PCDH17: variants seen among roughly 807,000 people sequenced by gnomAD.
The protein encoded by PCDH17 is protocadherin-17.
A neutral mutation model predicts 67.7 loss-of-function variants in PCDH17; 21 were observed. The ratio of observed to expected loss-of-function variants is 0.31; its 90% CI spans 0.22 to 0.45. The LOEUF (loss-of-function observed/expected upper bound fraction) is 0.45, where lower values mean the gene tolerates loss of function less well. PCDH17 is among the 20% of genes least tolerant of loss of function. The pLI is 1.00. For missense variants in PCDH17, 1,471 were observed against 1,564.8 expected (o/e 0.94, Z 1.01); for synonymous variants, 701 against 656.7 (o/e 1.07, Z -1.03).
intron 3 of PCDH17, among the ~76,000 whole-genome samples, chr13:57,673,762 T>C (rs143305419): frequency 1.4e-3 from 216 of 152,090 alleles, no homozygotes; most frequent in African/African-American, 5.1e-3. Flanking sequence ...ACTGCAGTAT[T>C]TGCCAGGACT....
intron 3 of PCDH17, 77 bp from the exon 4 acceptor site, chr13:57,724,524 AAGCCCATTGAG>A: frequency 2.9e-6 from 3 of 1,024,416 alleles, no homozygotes; most frequent in Non-Finnish European, 4.3e-6. Context: ...GAGGTCAAGC[AAGCCCATTGAG>A]AGCTGATCAC....
chr13:57,647,102 G>A (rs1954974576), intron 1 of PCDH17, among the ~76,000 whole-genome samples: 1 of 151,648 alleles, frequency 6.6e-6, no homozygotes, highest in Admixed American at 6.6e-5. Flanking sequence ...AATACAGCTT[G>A]GACATCTGCT....
At chr13:57,701,581 G>A (rs1184833791) in intron 3 of PCDH17, among the ~76,000 whole-genome samples, 1 of 151,910 alleles carries the variant, frequency 6.6e-6, no homozygotes, top group East Asian at 1.9e-4. Context: ...TTTTAATAGA[G>A]AAGTAATGCT....
chr13:57,652,974 T>C (rs1454776288), intron 1 of PCDH17, among the ~76,000 whole-genome samples: 1 of 152,140 alleles, frequency 6.6e-6, no homozygotes, highest in Admixed American at 6.6e-5. Context: ...AACATTAAAA[T>C]CTATGCTGTG....
intron 3 of PCDH17, among the ~76,000 whole-genome samples, chr13:57,683,324 A>C (rs1233490527): frequency 2.0e-5 from 3 of 151,896 alleles, no homozygotes; most frequent in African/African-American, 7.2e-5. Context: ...TTGGGCTGTT[A>C]AGTAGTATTG....
At chr13:57,658,764 GTTTGTTTTGTTTTGTTTTGT>G (rs61473114) in intron 1 of PCDH17, among the ~76,000 whole-genome samples, 1 of 150,006 alleles carries the variant, frequency 6.7e-6, no homozygotes, top group African/African-American at 2.5e-5. Flanking sequence ...TTTTTCGTTT[GTTTGTTTTGTTTTGTTTTGT>G]TTTGTTTTGT....
intron 1 of PCDH17, among the ~76,000 whole-genome samples, chr13:57,659,104 TGTG>T (rs1955149848): frequency 5.4e-5 from 1 of 18,554 alleles, no homozygotes; most frequent in East Asian, 1.8e-3. Flanking sequence ...TTATTTATAT[TGTG>T]TGTGTGTGTG....
intron 3 of PCDH17, among the ~76,000 whole-genome samples, chr13:57,702,513 C>T (rs539320825): frequency 2.1e-4 from 32 of 152,194 alleles, no homozygotes; most frequent in Non-Finnish European, 4.4e-4. Flanking sequence ...ACTTTAAATC[C>T]GGCTGTGCAG....
chr13:57,655,784 T>C (rs1955094634), intron 1 of PCDH17, among the ~76,000 whole-genome samples: 1 of 152,058 alleles, frequency 6.6e-6, no homozygotes, highest in South Asian at 2.1e-4. Flanking sequence ...TATAGAAATG[T>C]AGAAGTACAG....
At position 57,634,745 on chromosome 13, in the gene PCDH17, G is replaced by A. The variant is rs150039929; in HGVS notation, c.2199G>A (p.Glu733=). The change falls in exon 1 of 4, where the codon GAG becomes GAA. Residue 733 remains glutamate (E), a synonymous_variant. Coordinates refer to ENST00000377918, the MANE Select transcript of PCDH17 (RefSeq NM_001040429.3). The surrounding 1 kb of genome is among the most constrained non-coding windows in gnomAD (Gnocchi z 7.8). The stretch of plus-strand genomic sequence containing the variant: ...CCATCGCCGTCAAGTGCAAGCGCGA[G>A]AACAAGGAGATCCGCACTTACAACT... The part of the protein sequence containing the change: ...MITIAVKCKR[E]NKEIRTYNCR... The A allele has an allele frequency of 5.0e-5, 81 of 1,613,860 alleles. No homozygotes were observed. Among genetic ancestry groups the A allele is most frequent in the Non-Finnish European group, 6.7e-5 (79 of 1,180,024 alleles).
chr13:57,661,571 T>A (rs928925270), intron 1 of PCDH17, among the ~76,000 whole-genome samples: 2 of 152,194 alleles, frequency 1.3e-5, no homozygotes, highest in African/African-American at 4.8e-5. Flanking sequence ...CTACTGAATA[T>A]TTTTAGTTTT....
chr13:57,644,690 A>G (rs1424846507), intron 1 of PCDH17, among the ~76,000 whole-genome samples: 8 of 151,562 alleles, frequency 5.3e-5, no homozygotes, highest in Admixed American at 4.6e-4. Context: ...TGCTTATTAG[A>G]GTGCCTGTTT....
intron 3 of PCDH17, among the ~76,000 whole-genome samples, chr13:57,704,509 A>T (rs946565849): frequency 1.6e-4 from 24 of 151,818 alleles, no homozygotes; most frequent in Non-Finnish European, 3.4e-4. Flanking sequence ...GAATAATTTT[A>T]ATTTAATAGC....
chr13:57,633,103 G>T lies in PCDH17; in HGVS notation c.557G>T (p.Arg186Leu). 1 of 1,613,424 alleles carries T rather than the reference G, an allele frequency of 6.2e-7. No homozygotes were observed. Among genetic ancestry groups the T allele is most frequent in the Non-Finnish European group, 8.5e-7 (1 of 1,179,956 alleles). The change falls in exon 1 of 4, where the codon CGC becomes CTC. Residue 186 changes from arginine to leucine, a missense_variant. By Grantham distance (102) the Arg-to-Leu change is moderately radical. This residue lies in a region of PCDH17 where 1,163 missense variants were observed against 1,230.0 expected (regional missense o/e 0.95). Transcript: ENST00000377918. This position sits in a 1 kb window ranked among gnomAD's most constrained non-coding sequence, Gnocchi z 6.2. Reference protein sequence around the residue: ...HGLFGLDVKSRGDGTKFPELV... With the variant: ...HGLFGLDVKSLGDGTKFPELV... ...CTCTTTGGACTGGACGTTAAGTCCC[G>T]CGGCGACGGCACCAAGTTCCCAGAA...
intron 1 of PCDH17, among the ~76,000 whole-genome samples, chr13:57,644,819 G>A (rs1183229301): frequency 6.6e-6 from 1 of 151,674 alleles, no homozygotes; most frequent in Non-Finnish European, 1.5e-5. Flanking sequence ...CTCAGGAAAG[G>A]AGCAGATAAT....
At chr13:57,631,261 A>C (rs927462377), upstream of PCDH17, among the ~76,000 whole-genome samples, 1 of 152,184 alleles carries the variant, frequency 6.6e-6, no homozygotes, top group African/African-American at 2.4e-5. Flanking sequence ...GAGATGCTGA[A>C]TAGAAAGAAA....
intron 3 of PCDH17, among the ~76,000 whole-genome samples, chr13:57,695,455 A>G (rs962651784): frequency 2.0e-5 from 3 of 151,086 alleles, no homozygotes; most frequent in African/African-American, 7.3e-5. Flanking sequence ...AAGAAAAGGA[A>G]GGCAGGGAAG....
At chr13:57,691,377 A>G (rs937517905) in intron 3 of PCDH17, among the ~76,000 whole-genome samples, 1 of 151,240 alleles carries the variant, frequency 6.6e-6, no homozygotes, top group African/African-American at 2.4e-5. Flanking sequence ...CACTGGGACA[A>G]ATATTTCAGG....
rs1425980013 is a variant in PCDH17 at position 57,727,211 on chromosome 13, T to G, written c.*1917T>G. ...TTTTACAGCTTCATGACAAACAGTT[T>G]TGTGCCCATACCTTAGAAAATGTGG... is the stretch of plus-strand genomic sequence containing the variant. On this transcript the variant is annotated 3_prime_UTR_variant, in exon 4 of 4. Transcript: ENST00000377918. The G allele has an allele frequency of 6.6e-6, 1 of 152,592 alleles. No homozygotes were observed. Among genetic ancestry groups the G allele is most frequent in the Non-Finnish European group, 1.5e-5 (1 of 68,004 alleles). 9.5% of individuals were successfully genotyped at this position (152,592 alleles called of 1,614,324 possible). A position where few individuals can be genotyped will look rare whatever the true frequency, so the allele number is the denominator to read the frequency against.
Sources: allele counts gnomAD v4.1 joint callset (sites outside exome capture counted in the v4.1 genomes callset), GRCh38; gene constraint gnomAD v4.1.1; regional missense constraint gnomAD v4.1.1; non-coding constraint Gnocchi (gnomAD v3.1); transcripts MANE v1.5; gene names NCBI Gene and HGNC (gene_info 2026-07-23, HGNC 2026-07-21).